Variants in OPRM1 observed in about 807,000 individuals in gnomAD.
OPRM1 encodes mu-type opioid receptor.
A neutral mutation model predicts 31.8 loss-of-function variants in OPRM1; 27 were observed. The observed-to-expected ratio is 0.85, with a 90% CI of 0.63 to 1.17. OPRM1 has a LOEUF of 1.17. Among genes scored for constraint, OPRM1 ranks in the 50% most tolerant of loss-of-function variants. The probability of loss-of-function intolerance (pLI) is 0.00; values close to 1 mark genes in which losing one functional copy is unlikely to be tolerated. For missense variants in OPRM1, 536 were observed against 511.1 expected, an observed-to-expected ratio of 1.05 and a Z score of -0.47; for synonymous variants, 196 against 189.9, an observed-to-expected ratio of 1.03 and a Z score of -0.26.
In OPRM1 at chr6:154,086,872, ACTT is replaced by A. The variant is rs1375300798; in HGVS notation, c.291-2947_291-2945del. 3.5e-5 allele frequency: 34 copies of A among 984,086 alleles called. No individual in the cohort carries two copies. In the South Asian group the frequency reaches 1.2e-3, roughly 34 times the overall value. 61.0% of individuals were successfully genotyped at this position (984,086 alleles called of 1,614,324 possible). The stretch of plus-strand genomic sequence containing the variant: ...AAGTTATTTTCTCTTTTGGGGAGAA[ACTT>A]CTTCTTATTAAAAAAATAAAAAATG... On this transcript the variant is annotated intron_variant, in intron 1 of 3. Coordinates refer to ENST00000330432, the MANE Select transcript of OPRM1 (RefSeq NM_000914.5).
At chr6:154,164,373 T>C (rs1425957830) in intron 3 of OPRM1, among the ~76,000 whole-genome samples, 2 of 152,144 alleles carry the variant, frequency 1.3e-5, no homozygotes, top group African/African-American at 4.8e-5. Context: ...AGTTCTTCTA[T>C]GGATGAAAGA....
chr6:154,082,903 A>T (rs931699902), intron 1 of OPRM1, among the ~76,000 whole-genome samples: 13 of 152,202 alleles, frequency 8.5e-5, no homozygotes, highest in Non-Finnish European at 1.8e-4. Flanking sequence ...TCTAGTTATA[A>T]CTGCTTATAT....
chr6:154,075,960 T>C (rs73790419), intron 1 of OPRM1, among the ~76,000 whole-genome samples: 2,870 of 152,324 alleles, frequency 0.019, 113 homozygotes, highest in African/African-American at 0.066. Context: ...AATTACTTAG[T>C]GCAATACTTG....
At chr6:154,086,863 T>C (rs1790703680) in intron 1 of OPRM1, 6 of 984,512 alleles carry the variant, frequency 6.1e-6, no homozygotes, top group African/African-American at 1.7e-5. Context: ...TTTTCTCTTT[T>C]GGGGAGAAAC....
At chr6:154,046,594 T>C (rs1272887240) in intron 1 of OPRM1, 1 of 152,210 alleles carries the variant, frequency 6.6e-6, no homozygotes, top group Non-Finnish European at 1.5e-5. Flanking sequence ...AAACGTCATA[T>C]ACAACAAGCA....
intron 1 of OPRM1, among the ~76,000 whole-genome samples, chr6:154,077,149 C>A (rs73014288): frequency 0.2 from 30,872 of 152,034 alleles, 3,893 homozygotes; most frequent in Non-Finnish European, 0.29. Context: ...AAACCCCACC[C>A]CCTTTCAGTT....
intron 1 of OPRM1, among the ~76,000 whole-genome samples, chr6:154,025,019 G>C (rs545252626): frequency 3.8e-4 from 57 of 151,962 alleles, no homozygotes; most frequent in Non-Finnish European, 8.1e-4. Context: ...TTCGTGAAAT[G>C]TTCTGTATTA....
intron 1 of OPRM1, among the ~76,000 whole-genome samples, chr6:154,045,174 G>A (rs532569545): frequency 3.4e-4 from 52 of 152,066 alleles, no homozygotes; most frequent in African/African-American, 1.1e-3. Flanking sequence ...GCAGCGAGCC[G>A]AGATCGCACC....
Position 154,132,082 on chromosome 6 carries a change from G to T in OPRM1, c.*13361G>T, listed in dbSNP as rs376925288. Among the ~76,000 whole-genome samples, 1 of 152,120 alleles carries T rather than the reference G, an allele frequency of 6.6e-6. No individual in the cohort carries two copies. Among genetic ancestry groups the T allele is most frequent in the South Asian group, 2.1e-4 (1 of 4,826 alleles). The stretch of plus-strand genomic sequence containing the variant: ...AGGTAGGACAGGATGATCAGATGCA[G>T]CTTTCAAAAGAACTACCTGCTAAAT... On this transcript the variant is annotated 3_prime_UTR_variant, in exon 4 of 4. Transcript: ENST00000330432.
Position 154,094,210 on chromosome 6 carries a change from A to G in OPRM1, c.1164+2738A>G, listed in dbSNP as rs942199527. On this transcript the variant is annotated intron_variant, in intron 3 of 3. Coordinates refer to ENST00000330432, the MANE Select transcript of OPRM1 (RefSeq NM_000914.5). ...CATTAGTCAACTTCATATTCTGCAG[A>G]TCAGAGATCCAATATCAAACCTTCC... 2.3e-6 allele frequency: 3 copies of G among 1,286,424 alleles called. No homozygotes were observed. In the African/African-American group the frequency reaches 4.6e-5, roughly 20 times the overall value. The allele number at this position is 1,286,424 out of a possible 1,614,324, so 79.7% of individuals were successfully genotyped here.
At chr6:154,117,858 G>GGTGT (rs60794328) in intron 3 of OPRM1, among the ~76,000 whole-genome samples, 3,798 of 145,636 alleles carry the variant, frequency 0.026, 77 homozygotes, top group African/African-American at 0.047. Context: ...TTAAAAAGAT[G>GGTGT]GTGTGTGTGT....
At chr6:154,020,489 A>G (rs1440515136) in intron 1 of OPRM1, among the ~76,000 whole-genome samples, 1 of 152,244 alleles carries the variant, frequency 6.6e-6, no homozygotes, top group Non-Finnish European at 1.5e-5. Flanking sequence ...TAATTCTGGA[A>G]AGATAATTTA....
intron 1 of OPRM1, chr6:154,087,843 A>C (rs569356998): frequency 1.3e-5 from 2 of 152,492 alleles, no homozygotes; most frequent in East Asian, 3.9e-4. Context: ...AATGATGTCC[A>C]ATGTTTACAA....
At chr6:154,069,464 C>G (rs1163087024) in intron 1 of OPRM1, among the ~76,000 whole-genome samples, 1 of 152,178 alleles carries the variant, frequency 6.6e-6, no homozygotes, top group East Asian at 1.9e-4. Flanking sequence ...GTCTCGATCA[C>G]TTGACCTCGT....
intron 1 of OPRM1, chr6:154,087,308 C>T (rs1472633958): frequency 1.0e-6 from 1 of 985,326 alleles, no homozygotes; most frequent in Admixed American, 6.1e-5. Context: ...AAAACACTTT[C>T]CTGGACACTG....
intron 1 of OPRM1, among the ~76,000 whole-genome samples, chr6:154,033,864 G>A (rs766270106): frequency 3.2e-4 from 49 of 152,050 alleles, no homozygotes; most frequent in Admixed American, 9.2e-4. Context: ...AAGTTAAATG[G>A]CTTTTTCACT....
At chr6:154,138,741 A>G (rs1190031473) in intron 3 of OPRM1, among the ~76,000 whole-genome samples, 2 of 152,240 alleles carry the variant, frequency 1.3e-5, no homozygotes, top group African/African-American at 2.4e-5. Context: ...CTTTCCCAAA[A>G]CAAACCTCCT....
intron 1 of OPRM1, among the ~76,000 whole-genome samples, chr6:154,058,589 A>G (rs1364776539): frequency 1.3e-5 from 2 of 152,224 alleles, no homozygotes; most frequent in Non-Finnish European, 2.9e-5. Flanking sequence ...ATCTGGGCTC[A>G]TATTCTAAGG....
intron 1 of OPRM1, among the ~76,000 whole-genome samples, chr6:154,014,424 A>G (rs1777893279): frequency 6.6e-6 from 1 of 152,188 alleles, no homozygotes; most frequent in Admixed American, 6.5e-5. Flanking sequence ...GCTGGTTGTC[A>G]TTAAAAAAGT....
Sources: gnomAD v4.1 joint callset for allele counts (sites outside exome capture counted in the v4.1 genomes callset) on GRCh38, gnomAD v4.1.1 for gene constraint, MANE v1.5 for transcripts, NCBI Gene and HGNC (gene_info 2026-07-23, HGNC 2026-07-21) for gene names.